Variants in CADPS2 observed in about 807,000 individuals in gnomAD.
CADPS2 encodes the protein calcium-dependent secretion activator 2.
CADPS2 carries 93 observed loss-of-function variants against 172.5 expected under a neutral mutation model. The observed-to-expected ratio is 0.54, with a 90% CI of 0.46 to 0.64. The LOEUF (loss-of-function observed/expected upper bound fraction) is 0.64, where lower values mean the gene tolerates loss of function less well. Ranked by LOEUF, CADPS2 falls within the 30% of genes least tolerant of loss-of-function variation. The pLI is 0.00. For missense variants in CADPS2, 1,420 were observed against 1,565.9 expected (o/e 0.91, Z 1.57); for synonymous variants, 546 against 555.2 (o/e 0.98, Z 0.23).
At chr7:122,345,918 C>CTTTTTTTTTTTTTTTTTTT (rs71159791) in intron 27 of CADPS2, among the ~76,000 whole-genome samples, 15 of 138,752 alleles carry the variant, frequency 1.1e-4, no homozygotes, top group Non-Finnish European at 1.4e-4. Flanking sequence ...CCGTAGATAT[C>CTTTTTTTTTTTTTTTTTTT]TTTTTTTTTT....
intron 1 of CADPS2, among the ~76,000 whole-genome samples, chr7:122,853,988 G>T (rs1814459583): frequency 6.6e-6 from 1 of 152,158 alleles, no homozygotes; most frequent in South Asian, 2.1e-4. Context: ...TTCCTTCAAA[G>T]AGCCTACAGC....
In CADPS2 at chr7:122,627,666, C is replaced by A. The variant is rs543030444; in HGVS notation, c.867+1582G>T. On this transcript the variant is annotated intron_variant, in intron 4 of 29. Transcript: ENST00000449022. Reference sequence around the variant, plus strand: ...TCTAGAAAATCACTTAAACTTTATTCTAAAGCATTACATATGACAATGTGC... The same window carrying A: ...TCTAGAAAATCACTTAAACTTTATTATAAAGCATTACATATGACAATGTGC... 5.9e-5 allele frequency among the ~76,000 whole-genome samples: 9 copies of A among 152,262 alleles called. No individual in the cohort carries two copies. The South Asian group carries it at 1.9e-3, about 32-fold the overall frequency.
chr7:122,760,063 TAC>T (rs1016127456), intron 1 of CADPS2, among the ~76,000 whole-genome samples: 4 of 151,912 alleles, frequency 2.6e-5, no homozygotes, highest in African/African-American at 9.7e-5. Context: ...TGAATAATTT[TAC>T]ACACAGTCTA....
At chr7:122,714,775 GAAT>G (rs770635739) in intron 2 of CADPS2, among the ~76,000 whole-genome samples, 5 of 152,132 alleles carry the variant, frequency 3.3e-5, no homozygotes, top group African/African-American at 7.2e-5. Context: ...ATAATTTGTT[GAAT>G]AATAGAAACT....
intron 14 of CADPS2, among the ~76,000 whole-genome samples, chr7:122,452,254 A>G (rs929616699): frequency 6.6e-6 from 1 of 152,222 alleles, no homozygotes; most frequent in Non-Finnish European, 1.5e-5. Flanking sequence ...TTGAACATAT[A>G]AATCTTAACT....
At chr7:122,551,574 T>C (rs115490246) in intron 8 of CADPS2, among the ~76,000 whole-genome samples, 2,311 of 152,170 alleles carry the variant, frequency 0.015, 60 homozygotes, top group African/African-American at 0.052. Context: ...AAACAGAGAA[T>C]AGGTTTTTAC....
At chr7:122,337,192 T>C (rs879578443) in intron 28 of CADPS2, among the ~76,000 whole-genome samples, 4 of 152,102 alleles carry the variant, frequency 2.6e-5, no homozygotes, top group South Asian at 4.1e-4. Context: ...ACCATTAGGA[T>C]AGAAAAATAA....
intron 2 of CADPS2, chr7:122,697,616 A>C: frequency 1.8e-6 from 1 of 562,576 alleles, no homozygotes; most frequent in Non-Finnish European, 3.0e-6. Context: ...TTGCACAAAA[A>C]AAATCCCGCT....
intron 1 of CADPS2, among the ~76,000 whole-genome samples, chr7:122,821,712 T>A (rs969250624): frequency 9.9e-5 from 15 of 152,168 alleles, no homozygotes; most frequent in East Asian, 5.8e-4. Flanking sequence ...CTTAGTATTC[T>A]GTGAAACCTT....
intron 17 of CADPS2, among the ~76,000 whole-genome samples, chr7:122,433,140 T>C (rs1419152220): frequency 6.7e-6 from 1 of 149,578 alleles, no homozygotes; most frequent in African/African-American, 2.5e-5. Flanking sequence ...TACTTGGCTA[T>C]TTGAGGCGTG....
chr7:122,809,395 C>G (rs1290938671), intron 1 of CADPS2, among the ~76,000 whole-genome samples: 1 of 149,918 alleles, frequency 6.7e-6, no homozygotes, highest in South Asian at 2.1e-4. Context: ...TGGTGAAACC[C>G]CATCTCTACT....
At chr7:122,493,502 AAC>A (rs1435465823) in intron 9 of CADPS2, among the ~76,000 whole-genome samples, 4 of 152,182 alleles carry the variant, frequency 2.6e-5, no homozygotes, top group Non-Finnish European at 5.9e-5. Context: ...ACTGAAAATT[AAC>A]ACAAAGATAA....
At chr7:122,472,716 A>T (rs2056139359) in intron 13 of CADPS2, among the ~76,000 whole-genome samples, 1 of 152,208 alleles carries the variant, frequency 6.6e-6, no homozygotes, top group Non-Finnish European at 1.5e-5. Flanking sequence ...GTGTTTGTCC[A>T]TGAAAAGATA....
intron 7 of CADPS2, among the ~76,000 whole-genome samples, chr7:122,570,950 G>A (rs1587432279): frequency 6.6e-6 from 1 of 152,050 alleles, no homozygotes; most frequent in Middle Eastern, 3.4e-3. Flanking sequence ...GAGTTAATGG[G>A]TGCAGCACAC....
chr7:122,747,840 G>GCA (rs35510489), intron 1 of CADPS2, among the ~76,000 whole-genome samples: 73,269 of 151,784 alleles, frequency 0.48, 19,649 homozygotes, highest in African/African-American at 0.73. Flanking sequence ...TTGTGCCTTT[G>GCA]CACAGTTTGC....
At chr7:122,691,454 G>C in intron 2 of CADPS2, among the ~76,000 whole-genome samples, 1 of 152,144 alleles carries the variant, frequency 6.6e-6, no homozygotes, top group South Asian at 2.1e-4. Flanking sequence ...GTTTAAATGG[G>C]CACCCCTAGT....
chr7:122,435,602 A>T (rs1161716053), intron 17 of CADPS2, among the ~76,000 whole-genome samples: 1 of 152,162 alleles, frequency 6.6e-6, no homozygotes, highest in Admixed American at 6.5e-5. Flanking sequence ...CACTATGAAA[A>T]ATAGTATGGA....
intron 2 of CADPS2, among the ~76,000 whole-genome samples, chr7:122,712,133 C>T (rs1230970232): frequency 2.6e-5 from 4 of 151,970 alleles, no homozygotes; most frequent in Admixed American, 1.3e-4. Context: ...TATTTTTCTT[C>T]TAGTGTTGAA....
intron 19 of CADPS2, chr7:122,409,596 A>T (rs756816585): frequency 2.1e-6 from 1 of 469,620 alleles, no homozygotes; most frequent in South Asian, 1.6e-5. Flanking sequence ...TAATGAATGT[A>T]AGCCAATCTG....
Sources: gnomAD v4.1 joint callset for allele counts (sites outside exome capture counted in the v4.1 genomes callset) on GRCh38, gnomAD v4.1.1 for gene constraint, MANE v1.5 for transcripts, NCBI Gene and HGNC (gene_info 2026-07-23, HGNC 2026-07-21) for gene names.